ARL6: variants seen among roughly 807,000 people sequenced by gnomAD.
ARL6 encodes ARF like GTPase 6.
Under a neutral mutation model 27.1 loss-of-function variants are expected in ARL6, and 18 were observed. The observed-to-expected ratio is 0.66, with a 90% CI of 0.46 to 0.98. The LOEUF is 0.98. ARL6 is among the 50% of genes least tolerant of loss of function. The probability of loss-of-function intolerance (pLI) is 0.00; values close to 1 mark genes in which losing one functional copy is unlikely to be tolerated. For synonymous variants in ARL6, 65 were observed against 72.3 expected, an observed-to-expected ratio of 0.90 and a Z score of 0.51; for missense variants, 187 against 214.9, an observed-to-expected ratio of 0.87 and a Z score of 0.81.
rs2038163777 is a variant in ARL6 at position 97,799,663 on chromosome 3, A to T, written c.*1614A>T. ...ACTACTATATGATCATTATATTATA[A>T]GCAGGTATTACACATACAGAATTTT... is the stretch of plus-strand genomic sequence containing the variant. On this transcript the variant is annotated 3_prime_UTR_variant, in exon 8 of 8. Transcript: ENST00000463745. 6.6e-6 allele frequency: 1 copy of T among 152,160 alleles called. No individual in the cohort carries two copies. The highest frequency in any genetic ancestry group is 6.6e-5 in the Admixed American group (1 of 15,262). The allele number at this position is 152,160 out of a possible 1,614,324, so 9.4% of individuals were successfully genotyped here. A position where few individuals can be genotyped will look rare whatever the true frequency, so the allele number is the denominator to read the frequency against.
intron 1 of ARL6, among the ~76,000 whole-genome samples, chr3:97,767,038 A>G (rs2036414059): frequency 6.6e-6 from 1 of 152,148 alleles, no homozygotes; most frequent in South Asian, 2.1e-4. Context: ...ACAGCCATAA[A>G]GTTACCACAT....
intron 7 of ARL6, 97 bp downstream of exon 7, chr3:97,791,923 T>C (rs2037760883): frequency 6.5e-6 from 7 of 1,075,784 alleles, no homozygotes; most frequent in Admixed American, 2.2e-5. Context: ...CATTGCCTTT[T>C]TTCCTCTTTC....
At chr3:97,785,166 T>C (rs1194653331) in intron 5 of ARL6, 117 bp downstream of exon 5, 1 of 741,370 alleles carries the variant, frequency 1.3e-6, no homozygotes, top group African/African-American at 1.8e-5. Context: ...TTTTTGAATT[T>C]AAAACATATA....
At chr3:97,771,353 G>A (rs2036628333) in intron 2 of ARL6, among the ~76,000 whole-genome samples, 1 of 151,946 alleles carries the variant, frequency 6.6e-6, no homozygotes, top group African/African-American at 2.4e-5. Flanking sequence ...ATTTTTATAT[G>A]TGGACTTTTG....
At chr3:97,791,999 A>G (rs1355211941) in intron 7 of ARL6, 173 bp downstream of exon 7, 2 of 601,210 alleles carry the variant, frequency 3.3e-6, no homozygotes, top group African/African-American at 3.7e-5. Context: ...ATTTACTTCT[A>G]TCACATATTG....
At chr3:97,780,298 C>A in intron 3 of ARL6, 78 bp downstream of exon 3, 1 of 1,113,352 alleles carries the variant, frequency 9.0e-7, no homozygotes, top group South Asian at 1.4e-5. Flanking sequence ...ATTCTTCCTA[C>A]CCTTAGATAA....
Position 97,800,463 on chromosome 3 carries a change from A to T in ARL6, c.*2414A>T, listed in dbSNP as rs1340847471. The T allele has an allele frequency of 6.6e-6, 1 of 152,168 alleles. No individual in the cohort carries two copies. The highest frequency in any genetic ancestry group is 2.4e-5 in the African/African-American group (1 of 41,456). The allele number at this position is 152,168 out of a possible 1,614,324, so 9.4% of individuals were successfully genotyped here. The stretch of plus-strand genomic sequence containing the variant: ...ATATAACACCTTGTAAAAATGTTTG[A>T]AACTTATCCTCTTGTATGTTAAATA... On this transcript the variant is annotated 3_prime_UTR_variant, in exon 8 of 8. Transcript: ENST00000463745.
chr3:97,782,992 T>C (rs1361255373), intron 4 of ARL6, among the ~76,000 whole-genome samples: 1 of 151,000 alleles, frequency 6.6e-6, no homozygotes, highest in Non-Finnish European at 1.5e-5. Flanking sequence ...CTTTTCTTTT[T>C]TTTTTCACAT....
Position 97,786,322 on chromosome 3 carries a change from A to G in ARL6, c.349+1273A>G, listed in dbSNP as rs2037456909. On this transcript the variant is annotated intron_variant, in intron 5 of 7. Coordinates refer to ENST00000463745, the MANE Select transcript of ARL6 (RefSeq NM_001278293.3). ...ATAGCACCACTGAGGGCAACGGAGG[A>G]GACTCTGTCTCAAAAAAAAAAACAA... Among the ~76,000 whole-genome samples the G allele has an allele frequency of 2.0e-5, 3 of 152,014 alleles. No homozygotes were observed. In the South Asian group the frequency reaches 6.2e-4, roughly 32 times the overall value.
At chr3:97,766,051 G>C (rs972334225) in intron 1 of ARL6, 4 of 152,160 alleles carry the variant, frequency 2.6e-5, no homozygotes, top group Non-Finnish European at 5.9e-5. Context: ...AGTATCAAGT[G>C]ATAATCCATG....
rs774855745 is a variant in ARL6 at position 97,791,801 on chromosome 3, G to A, written c.510G>A (p.Leu170=). 3.7e-6 allele frequency: 6 copies of A among 1,613,664 alleles called. No homozygotes were observed. In the South Asian group the frequency reaches 5.5e-5, roughly 15 times the overall value. The part of the protein sequence containing the change: ...CASDAIKGEG[L]QEGVDWLQDQ... ...GTGATGCCATAAAAGGAGAAGGCTT[G>A]CAAGAAGGTGTAGACTGGCTTCAAG... Residue 170 remains leucine (L), a synonymous_variant, in exon 7 of 8, where the codon TTG becomes TTA. Transcript: ENST00000463745.
chr3:97,772,802 G>A (rs1185509102), intron 2 of ARL6, among the ~76,000 whole-genome samples: 1 of 151,776 alleles, frequency 6.6e-6, no homozygotes, highest in African/African-American at 2.4e-5. Flanking sequence ...TGTATTTTTA[G>A]TAGAGATGGG....
chr3:97,800,489 T>C lies in ARL6; in HGVS notation c.*2440T>C, dbSNP rs988047881. On this transcript the variant is annotated 3_prime_UTR_variant, in exon 8 of 8. Coordinates refer to ENST00000463745, the MANE Select transcript of ARL6 (RefSeq NM_001278293.3). ...AACTTATCCTCTTGTATGTTAAATA[T>C]TTAAATATTTGTATATGGCCCTATT... 1 of 152,198 alleles carries C rather than the reference T, an allele frequency of 6.6e-6. No homozygotes were observed. Among genetic ancestry groups the C allele is most frequent in the Non-Finnish European group, 1.5e-5 (1 of 68,028 alleles). The allele number at this position is 152,198 out of a possible 1,614,324, so 9.4% of individuals were successfully genotyped here. A position where few individuals can be genotyped will look rare whatever the true frequency, so the allele number is the denominator to read the frequency against.
Position 97,791,948 on chromosome 3 carries a change from A to C in ARL6, c.535+122A>C. Reference sequence around the variant, plus strand: ...TTTCCTCTTTCCATTTATTTCTGCTATCAGAAAAAACAATACAGTAAGTAT... The same window carrying C: ...TTTCCTCTTTCCATTTATTTCTGCTCTCAGAAAAAACAATACAGTAAGTAT... On this transcript the variant is annotated intron_variant, in intron 7 of 7. Coordinates refer to ENST00000463745, the MANE Select transcript of ARL6 (RefSeq NM_001278293.3). 1.1e-6 allele frequency: 1 copy of C among 876,254 alleles called. No homozygotes were observed. Among genetic ancestry groups the C allele is most frequent in the East Asian group, 2.7e-5 (1 of 37,266 alleles). 54.3% of individuals were successfully genotyped at this position (876,254 alleles called of 1,614,324 possible).
chr3:97,798,023 G>T lies in ARL6; in HGVS notation c.536-1G>T. On this transcript the variant is annotated splice_acceptor_variant, in intron 7 of 7. Coordinates refer to ENST00000463745, the MANE Select transcript of ARL6 (RefSeq NM_001278293.3). LOFTEE classifies it high-confidence loss of function. Reference sequence around the variant, plus strand: ...AATTTTTGTTTGTTTTTTGTTATCAGATCAGATCCAGACTGTGAAGACATG... The same window carrying T: ...AATTTTTGTTTGTTTTTTGTTATCATATCAGATCCAGACTGTGAAGACATG... 6.2e-7 allele frequency: 1 copy of T among 1,612,856 alleles called. No individual in the cohort carries two copies. The highest frequency in any genetic ancestry group is 2.2e-5 in the East Asian group (1 of 44,770).
At chr3:97,795,479 C>G (rs1489120862) in intron 7 of ARL6, among the ~76,000 whole-genome samples, 8 of 152,076 alleles carry the variant, frequency 5.3e-5, no homozygotes, top group Admixed American at 5.2e-4. Flanking sequence ...TCATCTCATT[C>G]CCAACTCTCA....
intron 2 of ARL6, among the ~76,000 whole-genome samples, chr3:97,770,503 GTTGA>G (rs2036586551): frequency 6.6e-6 from 1 of 151,992 alleles, no homozygotes. Context: ...TCTTCACTTT[GTTGA>G]TTGTTTCCTT....
chr3:97,789,519 T>C (rs1379565303), intron 6 of ARL6, among the ~76,000 whole-genome samples: 5 of 152,186 alleles, frequency 3.3e-5, no homozygotes, highest in Non-Finnish European at 7.4e-5. Flanking sequence ...ATTTATTCAA[T>C]TGTGACATCT....
intron 7 of ARL6, among the ~76,000 whole-genome samples, chr3:97,796,433 G>A (rs2038006944): frequency 6.6e-6 from 1 of 151,998 alleles, no homozygotes; most frequent in South Asian, 2.1e-4. Context: ...CCAGAAAGTA[G>A]AGCAGAAAGA....
Sources: allele counts gnomAD v4.1 joint callset (sites outside exome capture counted in the v4.1 genomes callset), GRCh38; gene constraint gnomAD v4.1.1; transcripts MANE v1.5; gene names NCBI Gene and HGNC (gene_info 2026-07-23, HGNC 2026-07-21).